Variants in STX12 observed in about 807,000 individuals in gnomAD.
The protein encoded by STX12 is syntaxin 12.
A neutral mutation model predicts 42.2 loss-of-function variants in STX12; 17 were observed. The ratio of observed to expected loss-of-function variants is 0.40; its 90% CI spans 0.28 to 0.60. STX12 has a LOEUF of 0.60. STX12 is among the 20% of genes least tolerant of loss of function. The probability of loss-of-function intolerance (pLI) is 0.39; values close to 1 mark genes in which losing one functional copy is unlikely to be tolerated. For synonymous variants in STX12, 108 were observed against 116.7 expected (o/e 0.93, Z 0.48); for missense variants, 297 against 330.9 (o/e 0.90, Z 0.79).
intron 3 of STX12, among the ~76,000 whole-genome samples, chr1:27,796,148 G>C (rs1363932351): frequency 6.6e-6 from 1 of 152,106 alleles, no homozygotes; most frequent in Non-Finnish European, 1.5e-5. Context: ...ACACGAACTA[G>C]ATCTACAAAC....
intron 8 of STX12, 132 bp downstream of exon 8, chr1:27,819,864 C>A: frequency 1.6e-6 from 1 of 632,860 alleles, no homozygotes; most frequent in Non-Finnish European, 2.7e-6. Context: ...TAATTGCAGT[C>A]CCAGTTCCAT....
At chr1:27,787,332 A>ATCT (rs1364545246) in intron 1 of STX12, among the ~76,000 whole-genome samples, 2 of 152,170 alleles carry the variant, frequency 1.3e-5, no homozygotes, top group Non-Finnish European at 2.9e-5. Context: ...ATAAGTTAGA[A>ATCT]GATTTTTGCC....
At chr1:27,816,600 G>C (rs907603170) in intron 6 of STX12, among the ~76,000 whole-genome samples, 9 of 149,966 alleles carry the variant, frequency 6.0e-5, no homozygotes, top group African/African-American at 2.2e-4. Flanking sequence ...AGGAAGGGAG[G>C]GAGGGAGGGA....
chr1:27,819,722 C>G lies in STX12; in HGVS notation c.722C>G (p.Ala241Gly). ...GCCACTGAACAGTTACAGCGAGCTG[C>G]TTACTATCAGGTAAAAGCGGGTACC... ...ERATEQLQRA[A>G]YYQKKSRKKM... is the part of the protein sequence containing the mutation. The change falls in exon 8 of 9, where the codon GCT becomes GGT. Residue 241 changes from alanine to glycine, a missense_variant. Physicochemically the swap from Ala to Gly is moderately conservative, Grantham distance 60. Coordinates refer to ENST00000373943, the MANE Select transcript of STX12 (RefSeq NM_177424.3). The G allele has an allele frequency of 6.2e-7, 1 of 1,613,732 alleles. No individual in the cohort carries two copies. The highest frequency in any genetic ancestry group is 8.5e-7 in the Non-Finnish European group (1 of 1,179,742).
At chr1:27,814,870 AT>A (rs1355556156) in intron 6 of STX12, among the ~76,000 whole-genome samples, 1 of 151,872 alleles carries the variant, frequency 6.6e-6, no homozygotes, top group Admixed American at 6.6e-5. Flanking sequence ...TTGGCCCTCG[AT>A]ATATTTAGGT....
intron 3 of STX12, among the ~76,000 whole-genome samples, chr1:27,797,242 A>G (rs2088792699): frequency 1.3e-5 from 2 of 152,270 alleles, no homozygotes; most frequent in South Asian, 4.1e-4. Flanking sequence ...TTATTAGCAG[A>G]GACAGGGTTT....
intron 1 of STX12, among the ~76,000 whole-genome samples, chr1:27,778,960 G>C (rs1207120323): frequency 6.6e-6 from 1 of 152,102 alleles, no homozygotes; most frequent in African/African-American, 2.4e-5. Context: ...GGGTCTCGCT[G>C]TGTTGCCCAG....
At position 27,819,532 on chromosome 1, in the gene STX12, G is replaced by T. The variant is rs949866277; in HGVS notation, c.650-118G>T. On this transcript the variant is annotated intron_variant, in intron 7 of 8. Coordinates refer to ENST00000373943, the MANE Select transcript of STX12 (RefSeq NM_177424.3). ...TACCAAGGTAGTAACTCGATTTCAT[G>T]GCTGGATAGTTTGGATAGTGGTAGT... 4 of 767,770 alleles carry T rather than the reference G, an allele frequency of 5.2e-6. No homozygotes were observed. The African/African-American group carries it at 7.0e-5, about 13-fold the overall frequency. The allele number at this position is 767,770 out of a possible 1,614,324, so 47.6% of individuals were successfully genotyped here. A position where few individuals can be genotyped will look rare whatever the true frequency, so the allele number is the denominator to read the frequency against.
At chr1:27,793,373 A>C (rs1427312230) in intron 2 of STX12, among the ~76,000 whole-genome samples, 160 bp from the exon 3 acceptor site, 1 of 152,164 alleles carries the variant, frequency 6.6e-6, no homozygotes, top group Non-Finnish European at 1.5e-5. Flanking sequence ...TGCCTGGGTA[A>C]TATTTCTGGA....
In STX12 at chr1:27,818,131, C is replaced by A. The variant is rs927620713; in HGVS notation, c.649+208C>A. 1.0e-5 allele frequency: 5 copies of A among 483,276 alleles called. No homozygotes were observed. The Admixed American group carries it at 1.8e-4, about 18-fold the overall frequency. 29.9% of individuals were successfully genotyped at this position (483,276 alleles called of 1,614,324 possible). ...GGCGTGGTGGCTCAGGCCTGTAATC[C>A]CAGCACTTTGGGAAGCCCAAGCGGG... On this transcript the variant is annotated intron_variant, in intron 7 of 8. Coordinates refer to ENST00000373943, the MANE Select transcript of STX12 (RefSeq NM_177424.3).
At chr1:27,788,446 C>G (rs543972569) in intron 1 of STX12, among the ~76,000 whole-genome samples, 2 of 152,284 alleles carry the variant, frequency 1.3e-5, no homozygotes, top group South Asian at 4.1e-4. Context: ...TCCTCTGGAC[C>G]TCTGCTTTCT....
chr1:27,789,681 A>G (rs1252112632), intron 2 of STX12, 50 bp downstream of exon 2: 6 of 1,423,212 alleles, frequency 4.2e-6, no homozygotes, highest in Non-Finnish European at 4.9e-6. Context: ...ATTTGAGGAC[A>G]CAGTGTCCTT....
chr1:27,823,079 C>G lies in STX12; in HGVS notation c.*750C>G, dbSNP rs573532475. ...ATACTCTATGGGCTCCCTCTCCCAC[C>G]TGTCTGCATAGAAAGGCAGAATTAG... On this transcript the variant is annotated 3_prime_UTR_variant, in exon 9 of 9. Coordinates refer to ENST00000373943, the MANE Select transcript of STX12 (RefSeq NM_177424.3). The G allele has an allele frequency of 6.6e-6, 1 of 152,338 alleles. No homozygotes were observed. Among genetic ancestry groups the G allele is most frequent in the South Asian group, 2.1e-4 (1 of 4,820 alleles). 9.4% of individuals were successfully genotyped at this position (152,338 alleles called of 1,614,324 possible). A position where few individuals can be genotyped will look rare whatever the true frequency, so the allele number is the denominator to read the frequency against.
At chr1:27,774,954 G>C (rs1166680479) in intron 1 of STX12, among the ~76,000 whole-genome samples, 1 of 152,182 alleles carries the variant, frequency 6.6e-6, no homozygotes, top group Admixed American at 6.5e-5. Flanking sequence ...GATCAAAAGG[G>C]ATTGAGACTC....
intron 1 of STX12, among the ~76,000 whole-genome samples, chr1:27,784,972 G>A (rs2088690299): frequency 6.6e-6 from 1 of 151,658 alleles, no homozygotes; most frequent in African/African-American, 2.4e-5. Flanking sequence ...AATCAGAAAA[G>A]TCTAGATGAA....
intron 1 of STX12, among the ~76,000 whole-genome samples, chr1:27,787,427 G>A (rs1427022309): frequency 1.3e-5 from 2 of 152,190 alleles, no homozygotes; most frequent in Non-Finnish European, 2.9e-5. Context: ...GGGAGGCCGA[G>A]GCGGGTGGAT....
chr1:27,785,039 A>G (rs529163678), intron 1 of STX12, among the ~76,000 whole-genome samples: 27 of 152,296 alleles, frequency 1.8e-4, no homozygotes, highest in African/African-American at 6.5e-4. Context: ...TGATTTTTTC[A>G]TATTCTATAA....
intron 4 of STX12, among the ~76,000 whole-genome samples, chr1:27,803,133 G>A (rs1225359103): frequency 6.6e-6 from 1 of 152,036 alleles, no homozygotes; most frequent in Non-Finnish European, 1.5e-5. Context: ...AGTGAGAATA[G>A]GGCAAACATA....
intron 1 of STX12, among the ~76,000 whole-genome samples, chr1:27,784,936 C>T (rs764485128): frequency 6.6e-6 from 1 of 152,038 alleles, no homozygotes; most frequent in African/African-American, 2.4e-5. Context: ...TTCCACCCCC[C>T]AAATTTAGGT....
Sources: allele counts gnomAD v4.1 joint callset (sites outside exome capture counted in the v4.1 genomes callset), GRCh38; gene constraint gnomAD v4.1.1; transcripts MANE v1.5; gene names NCBI Gene and HGNC (gene_info 2026-07-23, HGNC 2026-07-21).